MBD5: variants seen among roughly 807,000 people sequenced by gnomAD.
The protein encoded by MBD5 is methyl-CpG-binding domain protein 5.
A neutral mutation model predicts 117.3 loss-of-function variants in MBD5; 13 were observed. That is an observed-to-expected ratio of 0.11 (90% CI 0.07 to 0.18). The LOEUF (loss-of-function observed/expected upper bound fraction) is 0.18, where lower values mean the gene tolerates loss of function less well. Ranked by LOEUF, MBD5 falls within the 10% of genes least tolerant of loss-of-function variation. The probability of loss-of-function intolerance (pLI) is 1.00; values close to 1 mark genes in which losing one functional copy is unlikely to be tolerated. For missense variants in MBD5, 1,879 were observed against 2,093.8 expected (o/e 0.90, Z 2.00); for synonymous variants, 727 against 766.4 (o/e 0.95, Z 0.85).
chr2:148,484,118 T>C lies in MBD5; in HGVS notation c.3527T>C (p.Leu1176Pro), dbSNP rs980365503. Reference protein sequence around the residue: ...SVVPQLLNPLLGTGLLGDMSS... With the variant: ...SVVPQLLNPLPGTGLLGDMSS... ...GTGCCACAGCTACTTAACCCTCTAC[T>C]GGGGACAGGTCTACTTGGTAAGTTA... Residue 1176 changes from leucine to proline, a missense_variant, in exon 9 of 14, where the codon CTG (leucine) becomes CCG (proline). Physicochemically the swap from Leu to Pro is moderately conservative, Grantham distance 98. Coordinates refer to ENST00000642680, the MANE Select transcript of MBD5 (RefSeq NM_001378120.1). The C allele has an allele frequency of 2.0e-6, 3 of 1,507,068 alleles. No homozygotes were observed. The African/African-American group carries it at 4.2e-5, about 21-fold the overall frequency. 93.4% of individuals were successfully genotyped at this position (1,507,068 alleles called of 1,614,324 possible).
chr2:148,450,962 G>A (rs1037245191), intron 4 of MBD5, among the ~76,000 whole-genome samples: 2 of 152,166 alleles, frequency 1.3e-5, no homozygotes, highest in African/African-American at 4.8e-5. Context: ...CTCACTCTCA[G>A]GAGCCTGTCT....
At chr2:148,158,046 A>AT (rs201399883) in intron 1 of MBD5, among the ~76,000 whole-genome samples, 1,869 of 152,294 alleles carry the variant, frequency 0.012, 43 homozygotes, top group African/African-American at 0.043. Flanking sequence ...ATCTCAAATT[A>AT]TTTTTTAATA....
At position 148,388,779 on chromosome 2, in the gene MBD5, C is replaced by T. The variant is rs183345798; in HGVS notation, c.-557+46443C>T. Among the ~76,000 whole-genome samples the T allele has an allele frequency of 7.2e-5, 11 of 152,186 alleles. 1 individual carries two copies. The highest frequency in any genetic ancestry group is 3.4e-3 in the Middle Eastern group (1 of 294). On this transcript the variant is annotated intron_variant, in intron 4 of 13. Coordinates refer to ENST00000642680, the MANE Select transcript of MBD5 (RefSeq NM_001378120.1). The stretch of plus-strand genomic sequence containing the variant: ...GTCATCTCCCTTTTTTATAAGGACA[C>T]CAGTCCTACTGGATTGGAACCACAC...
chr2:148,395,444 T>TTC (rs1553509952), intron 4 of MBD5, among the ~76,000 whole-genome samples: 11 of 149,934 alleles, frequency 7.3e-5, no homozygotes, highest in Non-Finnish European at 1.0e-4. Context: ...TTTTTTTTTT[T>TTC]CACAGAGTCT....
At chr2:148,131,665 G>A (rs191686389) in intron 1 of MBD5, among the ~76,000 whole-genome samples, 1 of 152,316 alleles carries the variant, frequency 6.6e-6, no homozygotes, top group Admixed American at 6.5e-5. Flanking sequence ...CTGTGCTCCA[G>A]TCTGGATGAC....
At chr2:148,441,413 T>G (rs1478607038) in intron 4 of MBD5, among the ~76,000 whole-genome samples, 1 of 152,122 alleles carries the variant, frequency 6.6e-6, no homozygotes, top group Non-Finnish European at 1.5e-5. Flanking sequence ...GCTTCATCCA[T>G]GTCCCTACAA....
At chr2:148,395,688 G>A (rs1704692376) in intron 4 of MBD5, among the ~76,000 whole-genome samples, 1 of 152,046 alleles carries the variant, frequency 6.6e-6, no homozygotes, top group Admixed American at 6.5e-5. Flanking sequence ...GCCTCTCAAA[G>A]TGCAGGGATT....
intron 3 of MBD5, among the ~76,000 whole-genome samples, chr2:148,307,001 T>C (rs1026884187): frequency 1.3e-5 from 2 of 152,144 alleles, no homozygotes; most frequent in African/African-American, 4.8e-5. Flanking sequence ...CAATGTAGGG[T>C]AACATCCTTC....
intron 1 of MBD5, among the ~76,000 whole-genome samples, chr2:148,033,847 A>G (rs544838491): frequency 1.4e-3 from 214 of 152,328 alleles, no homozygotes; most frequent in African/African-American, 5.1e-3. Flanking sequence ...AATAAGAACT[A>G]TAGAATTTAG....
chr2:148,403,859 T>C (rs928690044), intron 4 of MBD5, among the ~76,000 whole-genome samples: 3 of 152,182 alleles, frequency 2.0e-5, no homozygotes, highest in South Asian at 4.1e-4. Flanking sequence ...GGATCACTTA[T>C]GTTACCCACC....
chr2:148,300,762 C>T (rs1211836331), intron 3 of MBD5, among the ~76,000 whole-genome samples: 1 of 152,180 alleles, frequency 6.6e-6, no homozygotes, highest in Non-Finnish European at 1.5e-5. Context: ...CAGGCATACT[C>T]ACCACAGACT....
chr2:148,152,331 A>G (rs984880581), intron 1 of MBD5, among the ~76,000 whole-genome samples: 1 of 152,106 alleles, frequency 6.6e-6, no homozygotes, highest in African/African-American at 2.4e-5. Context: ...CTGTTCTTTT[A>G]CATTTGCTGA....
rs146020786 is a variant in MBD5 at position 148,469,311 on chromosome 2, G to A, written c.1368G>A (p.Ser456=). The A allele has an allele frequency of 1.2e-6, 2 of 1,613,604 alleles. No homozygotes were observed. Among genetic ancestry groups the A allele is most frequent in the East Asian group, 2.2e-5 (1 of 44,828 alleles). Residue 456 remains serine, a synonymous_variant, in exon 8 of 14, where the codon TCG becomes TCA. Transcript: ENST00000642680. ...MGTGIGRIEA[S]PQRSRSSSTS... is the part of the protein sequence containing the mutation. ...CTGGAATTGGAAGGATTGAGGCATC[G>A]CCCCAAAGATCACGCTCATCTTCCA... is the stretch of plus-strand genomic sequence containing the variant.
chr2:148,401,847 C>T (rs1704932990), intron 4 of MBD5, among the ~76,000 whole-genome samples: 2 of 152,124 alleles, frequency 1.3e-5, no homozygotes, highest in African/African-American at 4.8e-5. Flanking sequence ...TCTCCATCAT[C>T]TCCTCCAATC....
intron 12 of MBD5, among the ~76,000 whole-genome samples, chr2:148,505,995 A>G (rs1388348843): frequency 6.6e-6 from 1 of 152,238 alleles, no homozygotes; most frequent in Non-Finnish European, 1.5e-5. Flanking sequence ...TACTTGGCAC[A>G]TGGCATTTAG....
intron 1 of MBD5, among the ~76,000 whole-genome samples, chr2:148,043,807 T>C (rs1380844705): frequency 6.6e-6 from 1 of 152,252 alleles, no homozygotes; most frequent in Non-Finnish European, 1.5e-5. Flanking sequence ...TGTCAGTACC[T>C]ATGATTTGCA....
At chr2:148,460,341 T>G (rs942353175) in intron 5 of MBD5, 4 of 152,182 alleles carry the variant, frequency 2.6e-5, no homozygotes, top group Non-Finnish European at 4.4e-5. Flanking sequence ...TGACTAGACT[T>G]TATACCATCT....
At chr2:148,151,772 G>A (rs1226486341) in intron 1 of MBD5, among the ~76,000 whole-genome samples, 1 of 151,946 alleles carries the variant, frequency 6.6e-6, no homozygotes, top group African/African-American at 2.4e-5. Context: ...GTATTTCTGT[G>A]GGATCGGTGG....
At chr2:148,422,493 G>A (rs1705641366) in intron 4 of MBD5, among the ~76,000 whole-genome samples, 1 of 152,130 alleles carries the variant, frequency 6.6e-6, no homozygotes, top group Non-Finnish European at 1.5e-5. Context: ...AGCGCAAAAA[G>A]GCTGAAAATT....
Sources: allele counts gnomAD v4.1 joint callset (sites outside exome capture counted in the v4.1 genomes callset), GRCh38; gene constraint gnomAD v4.1.1; transcripts MANE v1.5; gene names NCBI Gene and HGNC (gene_info 2026-07-23, HGNC 2026-07-21).